The following S100PBP variants were observed in gnomAD, a reference collection of about 807,000 sequenced individuals.
The protein encoded by S100PBP is S100P-binding protein.
S100PBP carries 15 observed loss-of-function variants against 39.9 expected under a neutral mutation model. The ratio of observed to expected loss-of-function variants is 0.38; its 90% CI spans 0.25 to 0.58. S100PBP has a LOEUF of 0.58. Ranked by LOEUF, S100PBP falls within the 20% of genes least tolerant of loss-of-function variation. The pLI is 0.70. For missense variants in S100PBP, 504 were observed against 487.3 expected (o/e 1.03, Z -0.32); for synonymous variants, 178 against 180.3 (o/e 0.99, Z 0.10).
At chr1:32,849,792 T>A (rs1557513731) in intron 5 of S100PBP, among the ~76,000 whole-genome samples, 1 of 152,232 alleles carries the variant, frequency 6.6e-6, no homozygotes, top group Non-Finnish European at 1.5e-5. Context: ...TATGATAGTT[T>A]TATATTGTTG....
upstream of S100PBP, chr1:32,817,090 C>G (rs998346167): frequency 5.3e-6 from 8 of 1,499,236 alleles, no homozygotes; most frequent in Non-Finnish European, 7.4e-6. Flanking sequence ...GCGCCGAGTC[C>G]CCGGCCCCAC....
intron 3 of S100PBP, 103 bp downstream of exon 3, chr1:32,827,033 C>G: frequency 1.3e-6 from 1 of 764,512 alleles, no homozygotes; most frequent in Non-Finnish European, 2.1e-6. Context: ...TACACAACTT[C>G]CCCTGCTGTG....
intron 5 of S100PBP, among the ~76,000 whole-genome samples, chr1:32,845,228 G>A (rs553685829): frequency 7.2e-5 from 11 of 152,046 alleles, no homozygotes; most frequent in South Asian, 2.1e-4. Flanking sequence ...GTTTCACCAC[G>A]TTAGCTGTGT....
chr1:32,840,945 G>C (rs1472641140), intron 5 of S100PBP, among the ~76,000 whole-genome samples: 1 of 151,816 alleles, frequency 6.6e-6, no homozygotes, highest in Non-Finnish European at 1.5e-5. Flanking sequence ...CGGATCACGA[G>C]ATCAGGAGAT....
rs1188496120 is a variant in S100PBP at position 32,856,247 on chromosome 1, CTG to C, written c.*213_*214del. Reference sequence around the variant, plus strand: ...CCCTCCTGATTTTGTGTGTGTGTGTCTGTGTTTAAGCAAGCGTTCGGTTGGTA... The same window carrying C: ...CCCTCCTGATTTTGTGTGTGTGTGTCTGTTTAAGCAAGCGTTCGGTTGGTA... On this transcript the variant is annotated 3_prime_UTR_variant, in exon 7 of 7. Coordinates refer to ENST00000373475, the MANE Select transcript of S100PBP (RefSeq NM_022753.4). 1 of 372,914 alleles carries C rather than the reference CTG, an allele frequency of 2.7e-6. No homozygotes were observed. Among genetic ancestry groups the C allele is most frequent in the Non-Finnish European group, 5.0e-6 (1 of 201,154 alleles). The allele number at this position is 372,914 out of a possible 1,614,324, so 23.1% of individuals were successfully genotyped here.
chr1:32,827,905 T>TA (rs1443862075), intron 3 of S100PBP, 88 bp from the exon 4 acceptor site: 15 of 899,000 alleles, frequency 1.7e-5, no homozygotes, highest in East Asian at 1.5e-4. Flanking sequence ...AGCCTTTAGT[T>TA]AAAAAATATT....
At chr1:32,822,620 CAAAAAAAA>C (rs922887705) in intron 1 of S100PBP, among the ~76,000 whole-genome samples, 8 of 77,748 alleles carry the variant, frequency 1.0e-4, no homozygotes, top group African/African-American at 1.9e-4. Flanking sequence ...GACTCCGTTT[CAAAAAAAA>C]AAAAAAAAAA....
Position 32,829,976 on chromosome 1 carries a change from G to A in S100PBP, c.933G>A (p.Pro311=), listed in dbSNP as rs139832843. ...TGCTTTATTCAAGGACTAATGTTCC[G>A]ACGTTTTCACAGTCAAATCTAGAAC... ...VLQTKTRTNV[P]TFSQSNLEQQ... Residue 311 remains proline, a synonymous_variant, in exon 5 of 7, where the codon CCG becomes CCA. Coordinates refer to ENST00000373475, the MANE Select transcript of S100PBP (RefSeq NM_022753.4). The A allele has an allele frequency of 2.0e-5, 33 of 1,613,178 alleles. No individual in the cohort carries two copies. The highest frequency in any genetic ancestry group is 1.1e-4 in the African/African-American group (8 of 74,914).
intron 4 of S100PBP, 79 bp from the exon 5 acceptor site, chr1:32,829,885 A>G (rs1399890782): frequency 2.2e-6 from 2 of 928,606 alleles, no homozygotes; most frequent in Non-Finnish European, 3.5e-6. Flanking sequence ...AATCAGCAGT[A>G]TATCACTTCT....
intron 5 of S100PBP, chr1:32,843,317 T>TTTG (rs3053877): frequency 0.8 from 120,085 of 150,086 alleles, 49,261 homozygotes; most frequent in East Asian, 0.99. Flanking sequence ...TTTCTTTTTG[T>TTTG]TTGTTGTTGT....
rs149790324 is a variant in S100PBP, at chr1:32,837,665, C to T, written c.1024+7598C>T. Among the ~76,000 whole-genome samples, 14 of 151,404 alleles carry T rather than the reference C, an allele frequency of 9.2e-5. No individual in the cohort carries two copies. The East Asian group carries it at 2.4e-3, about 26-fold the overall frequency. On this transcript the variant is annotated intron_variant, in intron 5 of 6. Coordinates refer to ENST00000373475, the MANE Select transcript of S100PBP (RefSeq NM_022753.4). Reference sequence around the variant, plus strand: ...TCTGCCTATCTCTGCCCCCTCTAATCCCCAGGCAAGATTGACCACTGATCT... The same window carrying T: ...TCTGCCTATCTCTGCCCCCTCTAATTCCCAGGCAAGATTGACCACTGATCT...
At chr1:32,817,180 G>A (rs780081206), upstream of S100PBP, 1 of 1,614,152 alleles carries the variant, frequency 6.2e-7, no homozygotes, top group South Asian at 1.1e-5. Flanking sequence ...CCAACCCCCA[G>A]GCCTGACCTG....
chr1:32,842,998 A>G (rs983124145), intron 5 of S100PBP: 5 of 152,122 alleles, frequency 3.3e-5, no homozygotes, highest in African/African-American at 7.2e-5. Flanking sequence ...CTTTTATCCA[A>G]TTTATCCCGG....
At chr1:32,819,777 GT>G (rs944861885) in intron 1 of S100PBP, among the ~76,000 whole-genome samples, 6 of 151,996 alleles carry the variant, frequency 3.9e-5, no homozygotes, top group African/African-American at 1.2e-4. Flanking sequence ...TAAATACCAT[GT>G]TTTTTTAGTA....
intron 5 of S100PBP, among the ~76,000 whole-genome samples, chr1:32,843,525 C>T (rs767519651): frequency 2.0e-5 from 3 of 151,936 alleles, no homozygotes; most frequent in African/African-American, 4.8e-5. Context: ...GGCACAATCT[C>T]GGCTCACGAA....
chr1:32,831,306 G>A (rs1639588319), intron 5 of S100PBP, among the ~76,000 whole-genome samples: 2 of 151,794 alleles, frequency 1.3e-5, no homozygotes, highest in South Asian at 4.2e-4. Flanking sequence ...TACAGTAGGA[G>A]CAGGGAAGGA....
intron 6 of S100PBP, among the ~76,000 whole-genome samples, chr1:32,855,547 G>A (rs889478177): frequency 6.6e-6 from 1 of 152,092 alleles, no homozygotes; most frequent in Non-Finnish European, 1.5e-5. Flanking sequence ...GGAGGTACAG[G>A]TGTGATGCAA....
chr1:32,849,497 G>T (rs892645456), intron 5 of S100PBP, among the ~76,000 whole-genome samples: 2 of 152,156 alleles, frequency 1.3e-5, no homozygotes, highest in African/African-American at 4.8e-5. Flanking sequence ...TAAATTGTAG[G>T]ATACATGCAA....
At chr1:32,842,386 T>A (rs785278) in intron 5 of S100PBP, among the ~76,000 whole-genome samples, 20,733 of 151,348 alleles carry the variant, frequency 0.14, 1,761 homozygotes, top group South Asian at 0.23. Flanking sequence ...TCAAAAATCA[T>A]TTGTCTCTAG....
Sources: gnomAD v4.1 joint callset for allele counts (sites outside exome capture counted in the v4.1 genomes callset) on GRCh38, gnomAD v4.1.1 for gene constraint, MANE v1.5 for transcripts, NCBI Gene and HGNC (gene_info 2026-07-23, HGNC 2026-07-21) for gene names.